WDFY4: variants seen among roughly 807,000 people sequenced by gnomAD.
WDFY4 encodes the protein WD repeat- and FYVE domain-containing protein 4.
A neutral mutation model predicts 351.9 loss-of-function variants in WDFY4; 169 were observed. That is an observed-to-expected ratio of 0.48 (90% CI 0.42 to 0.55). The LOEUF is 0.55. Ranked by LOEUF, WDFY4 falls within the 20% of genes least tolerant of loss-of-function variation. The probability of loss-of-function intolerance (pLI) is 0.00; values close to 1 mark genes in which losing one functional copy is unlikely to be tolerated. For missense variants in WDFY4, 3,803 were observed against 3,935.6 expected, an observed-to-expected ratio of 0.97 and a Z score of 0.90; for synonymous variants, 1,622 against 1,574.6, an observed-to-expected ratio of 1.03 and a Z score of -0.71.
rs1839749361 is a variant in WDFY4 at position 48,928,352 on chromosome 10, A to ATGTGTGTGTG, written c.7587-13454_7587-13453insTGTGTGTGTG. On this transcript the variant is annotated intron_variant, in intron 47 of 61. Coordinates refer to ENST00000325239, the MANE Select transcript of WDFY4 (RefSeq NM_001394531.1). ...GTGGCCCTTGGAGGCTTTGGTTTTG[A>ATGTGTGTGTG]CGTGTGTGTGTGTGTGTGTGTGTGT... is the stretch of plus-strand genomic sequence containing the variant. 1.2e-3 allele frequency among the ~76,000 whole-genome samples: 72 copies of ATGTGTGTGTG among 59,716 alleles called. 1 individual carries two copies. The highest frequency in any genetic ancestry group is 3.1e-3 in the African/African-American group (70 of 22,304). 39.2% of individuals were successfully genotyped at this position (59,716 alleles called of 152,430 possible). A position where few individuals can be genotyped will look rare whatever the true frequency, so the allele number is the denominator to read the frequency against.
chr10:48,802,897 C>A (rs924508018), intron 24 of WDFY4: 2 of 474,784 alleles, frequency 4.2e-6, no homozygotes, highest in African/African-American at 4.0e-5. Context: ...TCTGTCTCAG[C>A]CTCTATTTTC....
chr10:48,705,896 A>C (rs1485591816), intron 1 of WDFY4, among the ~76,000 whole-genome samples: 8 of 152,174 alleles, frequency 5.3e-5, no homozygotes, highest in African/African-American at 1.7e-4. Flanking sequence ...GCATGTTAGC[A>C]TGTCCTCAGA....
intron 27 of WDFY4, among the ~76,000 whole-genome samples, chr10:48,806,491 C>T (rs756364313): frequency 1.3e-5 from 2 of 152,196 alleles, no homozygotes; most frequent in Non-Finnish European, 2.9e-5. Flanking sequence ...GTGCTTGGCA[C>T]GTGCTCTTCA....
intron 1 of WDFY4, among the ~76,000 whole-genome samples, chr10:48,690,406 G>A (rs569473611): frequency 3.9e-5 from 6 of 152,264 alleles, no homozygotes; most frequent in Admixed American, 1.3e-4. Flanking sequence ...GCTTTTTCTG[G>A]CCAGAAACCT....
Position 48,900,119 on chromosome 10 carries a change from G to A in WDFY4, c.7438-102G>A, listed in dbSNP as rs1837281641. ...AAGGACGACCCAGGAAGGGTCTTCT[G>A]ACACGGAGACCCGCAATGACCCATT... is the stretch of plus-strand genomic sequence containing the variant. On this transcript the variant is annotated intron_variant, in intron 45 of 61. Coordinates refer to ENST00000325239, the MANE Select transcript of WDFY4 (RefSeq NM_001394531.1). 5.0e-6 allele frequency: 5 copies of A among 992,660 alleles called. No homozygotes were observed. In the Admixed American group the frequency reaches 7.8e-5, roughly 15 times the overall value. The allele number at this position is 992,660 out of a possible 1,614,324, so 61.5% of individuals were successfully genotyped here.
chr10:48,730,573 A>G (rs1283571391), intron 8 of WDFY4, among the ~76,000 whole-genome samples: 1 of 152,216 alleles, frequency 6.6e-6, no homozygotes, highest in Non-Finnish European at 1.5e-5. Flanking sequence ...TTGTCTAGAA[A>G]CAAAACTGAT....
intron 32 of WDFY4, among the ~76,000 whole-genome samples, chr10:48,819,822 ACTGT>A (rs1051629219): frequency 2.2e-4 from 34 of 152,038 alleles, no homozygotes; most frequent in African/African-American, 8.0e-4. Context: ...ACTCTCTCTG[ACTGT>A]CTACCAGGGG....
Position 48,941,863 on chromosome 10 carries a change from C to G in WDFY4, c.7629+15C>G. ...AGAAGTGGCAGGTACAGTAGCTCCT[C>G]CAGAGGGAAGCCCTCTGGGAATGCA... On this transcript the variant is annotated intron_variant, in intron 48 of 61. Coordinates refer to ENST00000325239, the MANE Select transcript of WDFY4 (RefSeq NM_001394531.1). The G allele has an allele frequency of 6.4e-7, 1 of 1,551,670 alleles. No homozygotes were observed.
intron 39 of WDFY4, among the ~76,000 whole-genome samples, chr10:48,866,755 C>T (rs1039232418): frequency 3.3e-5 from 5 of 152,166 alleles, no homozygotes; most frequent in East Asian, 1.9e-4. Flanking sequence ...CCCATAAACA[C>T]GTATGTGAAT....
intron 39 of WDFY4, among the ~76,000 whole-genome samples, chr10:48,853,908 T>C (rs1276269116): frequency 6.6e-6 from 1 of 152,202 alleles, no homozygotes; most frequent in East Asian, 1.9e-4. Context: ...TGGAAAATAG[T>C]AAGTGATCAA....
intron 47 of WDFY4, 142 bp downstream of exon 47, chr10:48,902,005 A>G (rs1038483462): frequency 2.5e-5 from 19 of 747,654 alleles, no homozygotes; most frequent in African/African-American, 2.1e-4. Context: ...ATTCCTATAC[A>G]TCCTTCATCC....
In WDFY4 at chr10:48,778,810, A is replaced by T; in HGVS notation, c.3375A>T (p.Glu1125Asp). 6.4e-7 allele frequency: 1 copy of T among 1,551,210 alleles called. No individual in the cohort carries two copies. Among genetic ancestry groups the T allele is most frequent in the Non-Finnish European group, 8.7e-7 (1 of 1,147,036 alleles). The change falls in exon 18 of 62, where the codon GAA becomes GAT. Residue 1125 changes from glutamate (E) to aspartate (D), a missense_variant. By Grantham distance (45) the Glu-to-Asp change is conservative. Transcript: ENST00000325239. ...ACCTCTCCTTGGTTGTTTCTACAGA[A>T]GAGAAGGAGTTTCAGCCTCTGGGTA... is the stretch of plus-strand genomic sequence containing the variant. ...PDDLSLVVST[E>D]EKEFQPLDVM...
intron 51 of WDFY4, among the ~76,000 whole-genome samples, chr10:48,955,769 C>A (rs1187039343): frequency 6.6e-6 from 1 of 152,204 alleles, no homozygotes; most frequent in Non-Finnish European, 1.5e-5. Flanking sequence ...CCCACCCCTG[C>A]AGCTGCCCCC....
chr10:48,804,774 G>GGA, intron 25 of WDFY4: 6 of 965,700 alleles, frequency 6.2e-6, no homozygotes, highest in Non-Finnish European at 6.1e-6. Context: ...AGTATCTGAG[G>GGA]GAGGGGGTAT....
At chr10:48,771,942 C>T (rs962857885) in intron 13 of WDFY4, among the ~76,000 whole-genome samples, 1 of 152,150 alleles carries the variant, frequency 6.6e-6, no homozygotes, top group African/African-American at 2.4e-5. Flanking sequence ...CCCTAGTCCT[C>T]CTTAGAAAGA....
At chr10:48,755,214 G>A (rs531505776) in intron 12 of WDFY4, among the ~76,000 whole-genome samples, 2 of 152,266 alleles carry the variant, frequency 1.3e-5, no homozygotes, top group East Asian at 3.9e-4. Flanking sequence ...CTCAGCATAA[G>A]GCCTTTCAGA....
At chr10:48,893,681 G>A (rs1328990215) in intron 44 of WDFY4, among the ~76,000 whole-genome samples, 1 of 152,182 alleles carries the variant, frequency 6.6e-6, no homozygotes, top group African/African-American at 2.4e-5. Context: ...ATGTTTCTGG[G>A]TATAAATTCC....
chr10:48,871,165 G>A (rs1485265593), intron 40 of WDFY4, among the ~76,000 whole-genome samples: 1 of 152,136 alleles, frequency 6.6e-6, no homozygotes, highest in Admixed American at 6.5e-5. Flanking sequence ...TCGATCTCCT[G>A]ACCTCGTGAT....
At chr10:48,910,549 C>T (rs767440786) in intron 47 of WDFY4, among the ~76,000 whole-genome samples, 2 of 152,176 alleles carry the variant, frequency 1.3e-5, no homozygotes, top group African/African-American at 2.4e-5. Flanking sequence ...AAATAGAATG[C>T]GGAAGATGCC....
Sources: allele counts gnomAD v4.1 joint callset (sites outside exome capture counted in the v4.1 genomes callset), GRCh38; gene constraint gnomAD v4.1.1; transcripts MANE v1.5; gene names NCBI Gene and HGNC (gene_info 2026-07-23, HGNC 2026-07-21).